Variants in DUS2 observed in about 807,000 individuals in gnomAD.
DUS2 encodes the protein dihydrouridine synthase 2.
In DUS2, 52 loss-of-function variants were observed where a neutral mutation model predicts 71.3. The observed-to-expected ratio is 0.73, with a 90% CI of 0.58 to 0.92. DUS2 has a LOEUF of 0.92. Among genes scored for constraint, DUS2 ranks in the 40% least tolerant of loss-of-function variants. The pLI is 0.00. For missense variants in DUS2, 558 were observed against 622.6 expected (o/e 0.90, Z 1.10); for synonymous variants, 204 against 227.8 (o/e 0.90, Z 0.94).
At chr16:68,075,652 A>C in intron 14 of DUS2, 148 bp downstream of exon 14, 1 of 811,200 alleles carries the variant, frequency 1.2e-6, no homozygotes. Flanking sequence ...AATTTTCAGC[A>C]TCCCATAGAA....
chr16:68,056,955 ATAAT>A (rs1598311060), intron 7 of DUS2, among the ~76,000 whole-genome samples: 1 of 142,308 alleles, frequency 7.0e-6, no homozygotes, highest in East Asian at 2.0e-4. Context: ...TATGTAATCT[ATAAT>A]TATATATTAC....
chr16:68,073,788 TAC>T (rs901222583), intron 12 of DUS2, among the ~76,000 whole-genome samples: 1 of 152,014 alleles, frequency 6.6e-6, no homozygotes, highest in African/African-American at 2.4e-5. Context: ...AGTTGAGTCT[TAC>T]GTTGCCCAGG....
At chr16:68,054,448 A>G in intron 5 of DUS2, 126 bp from the exon 6 acceptor site, 1 of 1,085,714 alleles carries the variant, frequency 9.2e-7, no homozygotes, top group Non-Finnish European at 1.4e-6. Context: ...TTTAAGAGAA[A>G]GCCAGCCTGA....
intron 4 of DUS2, among the ~76,000 whole-genome samples, chr16:68,053,154 T>C (rs758966279): frequency 7.2e-5 from 11 of 152,052 alleles, no homozygotes; most frequent in Non-Finnish European, 1.3e-4. Context: ...TCAGAGACGG[T>C]GTTTCACCAT....
intron 3 of DUS2, among the ~76,000 whole-genome samples, chr16:68,041,831 G>T (rs2033629787): frequency 6.7e-6 from 1 of 149,358 alleles, no homozygotes. Context: ...AAAAAAAAGA[G>T]AAATGAGTGA....
At chr16:68,064,185 C>T (rs1486635263) in intron 8 of DUS2, among the ~76,000 whole-genome samples, 2 of 152,176 alleles carry the variant, frequency 1.3e-5, no homozygotes. Flanking sequence ...TTGAGGCAAG[C>T]CTGCTTGTAG....
chr16:68,065,901 A>G (rs941741035), intron 8 of DUS2, among the ~76,000 whole-genome samples: 2 of 151,720 alleles, frequency 1.3e-5, no homozygotes, highest in Non-Finnish European at 2.9e-5. Context: ...TTTTGAAAAC[A>G]CACATTCCTA....
At chr16:68,048,859 A>G (rs1262495556) in intron 3 of DUS2, among the ~76,000 whole-genome samples, 1 of 152,154 alleles carries the variant, frequency 6.6e-6, no homozygotes, top group South Asian at 2.1e-4. Context: ...GTCTCCAACT[A>G]AGAATTAGAG....
intron 6 of DUS2, 107 bp downstream of exon 6, chr16:68,054,724 C>T: frequency 7.5e-7 from 1 of 1,330,472 alleles, no homozygotes; most frequent in South Asian, 1.2e-5. Context: ...CCTTCTAGCC[C>T]ATTACCTTCT....
At position 68,047,346 on chromosome 16, in the gene DUS2, G is replaced by A. The variant is rs983080548; in HGVS notation, c.127-2159G>A. Among the ~76,000 whole-genome samples, 12 of 152,148 alleles carry A rather than the reference G, an allele frequency of 7.9e-5. 1 individual carries two copies. Among genetic ancestry groups the A allele is most frequent in the Admixed American group, 6.5e-4 (10 of 15,288 alleles). ...TGGGATTACAGGCGTGAGCTGCCGC[G>A]TCTGGCCTCTCTCATTCTGATTTTA... On this transcript the variant is annotated intron_variant, in intron 3 of 16. Transcript: ENST00000565263.
At chr16:68,030,343 C>T (rs1030495655) in intron 2 of DUS2, among the ~76,000 whole-genome samples, 7 of 151,900 alleles carry the variant, frequency 4.6e-5, no homozygotes, top group Admixed American at 1.3e-4. Context: ...TCTGCAATCC[C>T]AGCACTTTGG....
At chr16:68,063,032 T>C (rs1373017158) in intron 8 of DUS2, among the ~76,000 whole-genome samples, 1 of 152,212 alleles carries the variant, frequency 6.6e-6, no homozygotes, top group Non-Finnish European at 1.5e-5. Context: ...ATTTTTGTTA[T>C]CCTCCAGCCT....
chr16:68,079,148 C>A lies in DUS2; in HGVS notation c.*162C>A, dbSNP rs2034202920. ...AGCCTAGAGCATGGACCAGGGGCCG[C>A]CCAGGGGTGGATCCTGGCCCCTTTG... On this transcript the variant is annotated 3_prime_UTR_variant, in exon 17 of 17. Transcript: ENST00000565263. 8.5e-6 allele frequency: 5 copies of A among 587,708 alleles called. No homozygotes were observed. The South Asian group carries it at 1.6e-4, about 19-fold the overall frequency. The allele number at this position is 587,708 out of a possible 1,614,324, so 36.4% of individuals were successfully genotyped here.
chr16:68,060,850 A>C (rs1407094917), intron 7 of DUS2, among the ~76,000 whole-genome samples: 2 of 152,048 alleles, frequency 1.3e-5, no homozygotes, highest in Non-Finnish European at 2.9e-5. Flanking sequence ...TCTGTCTCAA[A>C]AAAAAAAGAA....
At position 68,078,020 on chromosome 16, in the gene DUS2, A is replaced by G. The variant is rs371570013; in HGVS notation, c.1171-425A>G. The G allele has an allele frequency of 3.3e-5, 7 of 215,038 alleles. No homozygotes were observed. In the South Asian group the frequency reaches 4.5e-4, roughly 14 times the overall value. The allele number at this position is 215,038 out of a possible 1,614,324, so 13.3% of individuals were successfully genotyped here. On this transcript the variant is annotated intron_variant, in intron 15 of 16. Transcript: ENST00000565263. Reference sequence around the variant, plus strand: ...TCAGCATAGAGCCTGAGACCCTTCCATGTGCCTCGCTCCTTCCAGTTTCAT... The same window carrying G: ...TCAGCATAGAGCCTGAGACCCTTCCGTGTGCCTCGCTCCTTCCAGTTTCAT...
intron 3 of DUS2, among the ~76,000 whole-genome samples, chr16:68,048,778 C>T (rs1310311017): frequency 4.6e-5 from 7 of 151,940 alleles, no homozygotes; most frequent in African/African-American, 1.7e-4. Context: ...CTTTTCTGGA[C>T]CCCCAGAATC....
At chr16:68,071,798 C>T (rs1473538352) in intron 12 of DUS2, among the ~76,000 whole-genome samples, 1 of 152,104 alleles carries the variant, frequency 6.6e-6, no homozygotes, top group African/African-American at 2.4e-5. Context: ...CCACAACACT[C>T]AGCTAATTTT....
Position 68,075,335 on chromosome 16 carries a change from ATCTGCT to A in DUS2, c.933-16_933-11del. On this transcript the variant is annotated splice_polypyrimidine_tract_variant and intron_variant, in intron 13 of 16. Transcript: ENST00000565263. ...TGGCTCCGCTAAAGTGTTTGCTCTG[ATCTGCT>A]TCTTCCTCCCTAGTGAGGCCTTTGG... is the stretch of plus-strand genomic sequence containing the variant. The A allele has an allele frequency of 6.3e-7, 1 of 1,587,082 alleles. No homozygotes were observed. The highest frequency in any genetic ancestry group is 1.2e-5 in the South Asian group (1 of 86,712).
At chr16:68,025,148 A>G (rs1188779249) in intron 1 of DUS2, among the ~76,000 whole-genome samples, 1 of 152,000 alleles carries the variant, frequency 6.6e-6, no homozygotes, top group Non-Finnish European at 1.5e-5. Context: ...TGCTACTTTT[A>G]TGATTCTTTC....
Sources: allele counts gnomAD v4.1 joint callset (sites outside exome capture counted in the v4.1 genomes callset), GRCh38; gene constraint gnomAD v4.1.1; transcripts MANE v1.5; gene names NCBI Gene and HGNC (gene_info 2026-07-23, HGNC 2026-07-21).